EML5: variants seen among roughly 807,000 people sequenced by gnomAD.
The protein encoded by EML5 is echinoderm microtubule-associated protein-like 5.
In EML5, 120 loss-of-function variants were observed where a neutral mutation model predicts 250.0. That is an observed-to-expected ratio of 0.48 (90% confidence interval 0.41 to 0.56). The LOEUF (loss-of-function observed/expected upper bound fraction) is 0.56, where lower values mean the gene tolerates loss of function less well. Ranked by LOEUF, EML5 falls within the 20% of genes least tolerant of loss-of-function variation. The probability of loss-of-function intolerance (pLI) is 0.00; values close to 1 mark genes in which losing one functional copy is unlikely to be tolerated. For missense variants in EML5, 2,006 were observed against 2,437.6 expected (o/e 0.82, Z 3.73); for synonymous variants, 771 against 806.5 (o/e 0.96, Z 0.75).
At chr14:88,625,754 C>T (rs192842034) in intron 35 of EML5, 2 of 152,302 alleles carry the variant, frequency 1.3e-5, no homozygotes, top group East Asian at 3.9e-4. Context: ...AAATGTTCAA[C>T]TGAAATTTGA....
Position 88,687,347 on chromosome 14 carries a change from C to G in EML5, c.2743-20G>C. The stretch of plus-strand genomic sequence containing the variant: ...AAACCCCTATGGAAAAAAAAAGGTT[C>G]AAGTTAATAAAGATCTAAATATTTT... On this transcript the variant is annotated intron_variant, in intron 18 of 43. Transcript: ENST00000554922. 1 of 1,518,128 alleles carries G rather than the reference C, an allele frequency of 6.6e-7. No individual in the cohort carries two copies. Among genetic ancestry groups the G allele is most frequent in the Non-Finnish European group, 8.9e-7 (1 of 1,122,918 alleles). 94.0% of individuals were successfully genotyped at this position (1,518,128 alleles called of 1,614,324 possible).
chr14:88,718,546 T>G (rs760397519), intron 8 of EML5, among the ~76,000 whole-genome samples: 1 of 152,208 alleles, frequency 6.6e-6, no homozygotes, highest in Non-Finnish European at 1.5e-5. Context: ...AATCAAATAC[T>G]GCTGGAAATT....
At chr14:88,651,102 T>C (rs904599801) in intron 27 of EML5, among the ~76,000 whole-genome samples, 1 of 151,976 alleles carries the variant, frequency 6.6e-6, no homozygotes, top group Non-Finnish European at 1.5e-5. Flanking sequence ...CTTTGATTTT[T>C]TTTCATTTTG....
Position 88,715,097 on chromosome 14 carries a change from T to C in EML5, c.1286A>G (p.Asp429Gly), listed in dbSNP as rs2139915711. 1 of 1,613,764 alleles carries C rather than the reference T, an allele frequency of 6.2e-7. No homozygotes were observed. The highest frequency in any genetic ancestry group is 1.6e-4 in the Middle Eastern group (1 of 6,062). Residue 429 changes from aspartate to glycine, a missense_variant, in exon 9 of 44, where the codon GAC (aspartate) becomes GGC (glycine). Asp to Gly is a moderately conservative substitution (Grantham distance 94, BLOSUM62 -1). Around this residue, in one of 7 missense-constraint regions of EML5, gnomAD observed 1,375 missense variants for 1,590.3 expected, o/e 0.86. Transcript: ENST00000554922. The part of the protein sequence containing the change: ...DGTYLAVGCN[D>G]SSVDIYGVAQ... ...AACTCCATAAATATCAACCGAGCTG[T>C]CATTGCATCCAACAGCAAGGTAAGT...
chr14:88,676,725 T>C (rs2092602453), intron 21 of EML5, among the ~76,000 whole-genome samples: 1 of 152,142 alleles, frequency 6.6e-6, no homozygotes, highest in East Asian at 1.9e-4. Flanking sequence ...CTAATCCCAC[T>C]TCAAGCTATA....
chr14:88,618,121 A>G (rs1421415014), intron 41 of EML5, 107 bp downstream of exon 41: 2 of 829,622 alleles, frequency 2.4e-6, no homozygotes, highest in East Asian at 5.3e-5. Context: ...CAAAAACTTG[A>G]AACTCAATTA....
Position 88,792,488 on chromosome 14 carries a change from C to T in EML5, c.16G>A (p.Ala6Thr). 1 of 1,441,558 alleles carries T rather than the reference C, an allele frequency of 6.9e-7. No homozygotes were observed. Among genetic ancestry groups the T allele is most frequent in the Non-Finnish European group, 9.2e-7 (1 of 1,089,126 alleles). The allele number at this position is 1,441,558 out of a possible 1,614,324, so 89.3% of individuals were successfully genotyped here. A position where few individuals can be genotyped will look rare whatever the true frequency, so the allele number is the denominator to read the frequency against. Residue 6 changes from alanine to threonine, a missense_variant, in exon 1 of 44, where the codon GCC (alanine) becomes ACC (threonine). Around this residue, in one of 7 missense-constraint regions of EML5, gnomAD observed 162 missense variants for 212.2 expected, o/e 0.76. Transcript: ENST00000554922. The surrounding 1 kb of genome is among the most constrained non-coding windows in gnomAD (Gnocchi z 6.9). MAARS[A>T]PSCHLRLEWV... is the part of the protein sequence containing the mutation. ...TCGAGCCGCAGGTGGCAGCTCGGGG[C>T]GCTCCGGGCCGCCATGTCGGGGCGC... is the stretch of plus-strand genomic sequence containing the variant.
At chr14:88,692,587 C>CCCA (rs2092986247) in intron 17 of EML5, among the ~76,000 whole-genome samples, 1 of 152,138 alleles carries the variant, frequency 6.6e-6, no homozygotes, top group African/African-American at 2.4e-5. Context: ...GGGACTTGTG[C>CCCA]AGCATGGATT....
chr14:88,640,691 AAAAT>A (rs1303219098), intron 31 of EML5, among the ~76,000 whole-genome samples: 3 of 152,174 alleles, frequency 2.0e-5, no homozygotes, highest in African/African-American at 7.2e-5. Context: ...CTAGCAGAAG[AAAAT>A]AAATAACAAA....
chr14:88,658,014 C>T (rs905570694), intron 26 of EML5, among the ~76,000 whole-genome samples, 173 bp downstream of exon 26: 5 of 152,104 alleles, frequency 3.3e-5, no homozygotes, highest in African/African-American at 4.8e-5. Context: ...GTCATAAATT[C>T]ATGGCAACCT....
At chr14:88,714,315 T>A (rs1195755370) in intron 9 of EML5, among the ~76,000 whole-genome samples, 1 of 152,170 alleles carries the variant, frequency 6.6e-6, no homozygotes, top group African/African-American at 2.4e-5. Flanking sequence ...CTGTTTTAGA[T>A]CCTCCAGCCA....
intron 18 of EML5, 134 bp from the exon 19 acceptor site, chr14:88,687,461 C>T (rs755278815): frequency 8.1e-6 from 5 of 616,294 alleles, no homozygotes; most frequent in Non-Finnish European, 1.4e-5. Flanking sequence ...CAGGAATTAG[C>T]TTAAGAATCC....
chr14:88,709,555 T>C (rs1483703349), intron 10 of EML5, among the ~76,000 whole-genome samples: 1 of 152,194 alleles, frequency 6.6e-6, no homozygotes, highest in African/African-American at 2.4e-5. Flanking sequence ...TGTGACATCA[T>C]TTACACCAAC....
intron 3 of EML5, 44 bp downstream of exon 3, chr14:88,746,141 T>C (rs1465591263): frequency 6.7e-7 from 1 of 1,482,968 alleles, no homozygotes; most frequent in Non-Finnish European, 9.3e-7. Flanking sequence ...CTTCTGGTCT[T>C]TCCCTTCCAG....
chr14:88,766,247 AG>A (rs2094318534), intron 1 of EML5, among the ~76,000 whole-genome samples: 1 of 152,228 alleles, frequency 6.6e-6, no homozygotes, highest in Non-Finnish European at 1.5e-5. Context: ...TCAGGGAACA[AG>A]GGAGATAACC....
At chr14:88,666,468 C>T (rs933550594) in intron 21 of EML5, among the ~76,000 whole-genome samples, 17 of 152,106 alleles carry the variant, frequency 1.1e-4, no homozygotes, top group African/African-American at 4.1e-4. Flanking sequence ...TCAGGTGAAC[C>T]ACCTGCCTCA....
chr14:88,785,348 GTAATACAAA>G (rs2094541145), intron 1 of EML5, among the ~76,000 whole-genome samples: 1 of 152,114 alleles, frequency 6.6e-6, no homozygotes, highest in Non-Finnish European at 1.5e-5. Context: ...TGGATTCTTT[GTAATACAAA>G]GGATAAAGCC....
chr14:88,697,001 C>A (rs1303487056), intron 14 of EML5, 49 bp from the exon 15 acceptor site: 2 of 1,190,878 alleles, frequency 1.7e-6, no homozygotes, highest in South Asian at 1.8e-5. Flanking sequence ...TTATTTATTT[C>A]CATATCTACT....
At chr14:88,715,749 TG>T (rs1388652396) in intron 8 of EML5, among the ~76,000 whole-genome samples, 1 of 151,766 alleles carries the variant, frequency 6.6e-6, no homozygotes, top group Non-Finnish European at 1.5e-5. Context: ...CCTCCACCTC[TG>T]GGGATCAAGC....
Sources: gnomAD v4.1 joint callset for allele counts (sites outside exome capture counted in the v4.1 genomes callset) on GRCh38, gnomAD v4.1.1 for gene constraint, gnomAD v4.1.1 regional missense constraint, Gnocchi (gnomAD v3.1) non-coding constraint, MANE v1.5 for transcripts, NCBI Gene and HGNC (gene_info 2026-07-23, HGNC 2026-07-21) for gene names.